The following POTEE variants were observed in gnomAD, a reference collection of about 807,000 sequenced individuals.
POTEE encodes ANKRD26-like family C member 1A.
A neutral mutation model predicts 74.2 loss-of-function variants in POTEE; 21 were observed. That is an observed-to-expected ratio of 0.28 (90% CI 0.20 to 0.41). The LOEUF is 0.41. Among genes scored for constraint, POTEE ranks in the 10% least tolerant of loss-of-function variants. The pLI is 1.00. For missense variants in POTEE, 525 were observed against 1,158.6 expected (o/e 0.45, Z 7.94); for synonymous variants, 211 against 432.8 (o/e 0.49, Z 6.36).
At chr2:131,214,258 T>G (rs569862985) in intron 2 of POTEE, among the ~76,000 whole-genome samples, 1 of 152,406 alleles carries the variant, frequency 6.6e-6, no homozygotes, top group African/African-American at 2.4e-5. Context: ...ACCTTTTTGG[T>G]TTGGATGGGC....
intron 6 of POTEE, among the ~76,000 whole-genome samples, chr2:131,225,338 G>A (rs1573706443): frequency 6.6e-6 from 1 of 152,088 alleles, no homozygotes; most frequent in South Asian, 2.1e-4. Flanking sequence ...GAGCTCAGGA[G>A]TTCGAGTCTA....
At chr2:131,239,771 A>G (rs1701226632) in intron 12 of POTEE, among the ~76,000 whole-genome samples, 1 of 150,158 alleles carries the variant, frequency 6.7e-6, no homozygotes, top group South Asian at 2.1e-4. Context: ...AGATTATTTC[A>G]TCAGCCACAT....
intron 8 of POTEE, among the ~76,000 whole-genome samples, chr2:131,229,226 A>G (rs1166214339): frequency 6.6e-6 from 1 of 152,020 alleles, no homozygotes; most frequent in African/African-American, 2.4e-5. Flanking sequence ...GGCAGATGTT[A>G]GGTGGGCTTG....
At position 131,218,583 on chromosome 2, in the gene POTEE, A is replaced by G; in HGVS notation, c.181A>G (p.Met61Val). 5 of 1,612,242 alleles carry G rather than the reference A, an allele frequency of 3.1e-6. No homozygotes were observed. The highest frequency in any genetic ancestry group is 3.4e-6 in the Non-Finnish European group (4 of 1,179,672). The change falls in exon 4 of 18, where the codon ATG becomes GTG. Residue 61 changes from methionine (M) to valine (V), a missense_variant. Met to Val is a conservative substitution (Grantham distance 21). Transcript: ENST00000683005. ...DSAMKTLRSK[M>V]GKWCHHCFPC... The stretch of plus-strand genomic sequence containing the variant: ...TGCTATGAAGACACTCAGGAGCAAG[A>G]TGGGCAAGTGGTGCCACCACTGCTT...
rs1233694612 is a variant in POTEE, at chr2:131,213,036, C to G, written c.-189+1853C>G. Among the ~76,000 whole-genome samples, 4 of 151,128 alleles carry G rather than the reference C, an allele frequency of 2.6e-5. 1 individual carries two copies. Among genetic ancestry groups the G allele is most frequent in the Non-Finnish European group, 5.9e-5 (4 of 67,676 alleles). On this transcript the variant is annotated intron_variant, in intron 2 of 17. Coordinates refer to ENST00000683005, the MANE Select transcript of POTEE (RefSeq NM_001083538.3). ...AGTACGATGGCCCGATCTTGGCTCA[C>G]TGCAACCCCTGCCTCCTGGGTGAAA...
At chr2:131,211,957 C>T (rs1287043289) in intron 2 of POTEE, among the ~76,000 whole-genome samples, 7 of 151,744 alleles carry the variant, frequency 4.6e-5, no homozygotes, top group Non-Finnish European at 7.4e-5. Context: ...AATTCCTGCA[C>T]CTGTTCTTTT....
rs567628327 is a variant in POTEE at position 131,226,929 on chromosome 2, G to C, written c.917G>C (p.Arg306Thr). ...TTAAATGCACTGGATAGATATGGAA[G>C]GTATAGTTCTTTCTTTTAATCTGTG... The part of the protein sequence containing the change: ...ANLNALDRYG[R>T]TALILAVCCG... The change falls in exon 7 of 18, where the codon AGG (arginine) becomes ACG (threonine). Residue 306 changes from arginine to threonine, a missense_variant and splice_region_variant. Coordinates refer to ENST00000683005, the MANE Select transcript of POTEE (RefSeq NM_001083538.3). 6.2e-7 allele frequency: 1 copy of C among 1,611,400 alleles called. No homozygotes were observed. The highest frequency in any genetic ancestry group is 1.3e-5 in the African/African-American group (1 of 74,908).
chr2:131,262,678 T>C (rs1234182865), intron 17 of POTEE, among the ~76,000 whole-genome samples: 1 of 151,774 alleles, frequency 6.6e-6, no homozygotes, highest in Non-Finnish European at 1.5e-5. Flanking sequence ...TTTTGACCTC[T>C]CCTTTTAAGA....
Position 131,228,387 on chromosome 2 carries a change from T to A in POTEE, c.1055+6T>A. ...GTTTCTAGTCATCATCATGTGTAAG[T>A]GTTTACATTAAAAGGCTAGTTAATG... On this transcript the variant is annotated splice_donor_region_variant and intron_variant, in intron 8 of 17. Transcript: ENST00000683005. 1 of 1,609,166 alleles carries A rather than the reference T, an allele frequency of 6.2e-7. No homozygotes were observed. Among genetic ancestry groups the A allele is most frequent in the Non-Finnish European group, 8.5e-7 (1 of 1,178,922 alleles).
intron 12 of POTEE, 22 bp downstream of exon 12, chr2:131,239,466 A>AT: frequency 1.1e-5 from 1 of 91,382 alleles, no homozygotes; most frequent in South Asian, 6.1e-5. Context: ...GCAACATTGA[A>AT]TAGAAGATAA....
chr2:131,228,085 A>ATT (rs1178089403), intron 7 of POTEE, among the ~76,000 whole-genome samples, 159 bp from the exon 8 acceptor site: 5 of 151,332 alleles, frequency 3.3e-5, no homozygotes, highest in Non-Finnish European at 2.9e-5. Flanking sequence ...CCTTGGTGGC[A>ATT]TTTTACAAAG....
At chr2:131,214,206 C>A (rs1398784249) in intron 2 of POTEE, among the ~76,000 whole-genome samples, 2 of 152,270 alleles carry the variant, frequency 1.3e-5, no homozygotes, top group Admixed American at 6.5e-5. Context: ...AGGTCCCTCT[C>A]AAAAATCTAA....
intron 10 of POTEE, among the ~76,000 whole-genome samples, chr2:131,237,783 A>G (rs1284644066): frequency 1.3e-5 from 2 of 152,288 alleles, no homozygotes; most frequent in African/African-American, 4.8e-5. Flanking sequence ...TTAGGGTTTC[A>G]TGAGGTAAAC....
In POTEE at chr2:131,263,823, T is replaced by A; in HGVS notation, c.2368T>A (p.Phe790Ile). The change falls in exon 18 of 18, where the codon TTC becomes ATC. Residue 790 changes from phenylalanine to isoleucine, a missense_variant. Transcript: ENST00000683005. ...DDMEKIWHHT[F>I]YNELRVAPEE... is the part of the protein sequence containing the mutation. Reference sequence around the variant, plus strand: ...CATGGAGAAGATCTGGCACCACACCTTCTACAACGAGCTGCGTGTGGCTCC... The same window carrying A: ...CATGGAGAAGATCTGGCACCACACCATCTACAACGAGCTGCGTGTGGCTCC... 1.2e-6 allele frequency: 2 copies of A among 1,614,050 alleles called. No homozygotes were observed. The highest frequency in any genetic ancestry group is 1.7e-6 in the Non-Finnish European group (2 of 1,180,028).
At chr2:131,216,708 A>T (rs1451719378) in intron 2 of POTEE, among the ~76,000 whole-genome samples, 1 of 142,276 alleles carries the variant, frequency 7.0e-6, no homozygotes, top group Non-Finnish European at 1.6e-5. Context: ...CATAAAATAA[A>T]ATATTACTTG....
In POTEE at chr2:131,263,827, A is replaced by G. The variant is rs758116060; in HGVS notation, c.2372A>G (p.Tyr791Cys). The G allele has an allele frequency of 3.7e-6, 6 of 1,613,984 alleles. No individual in the cohort carries two copies. Among genetic ancestry groups the G allele is most frequent in the East Asian group, 4.5e-5 (2 of 44,884 alleles). Residue 791 changes from tyrosine (Y) to cysteine (C), a missense_variant, in exon 18 of 18, where the codon TAC (tyrosine) becomes TGC (cysteine). By Grantham distance (194) the Tyr-to-Cys change is radical (BLOSUM62 -2). Transcript: ENST00000683005. ...GAGAAGATCTGGCACCACACCTTCTACAACGAGCTGCGTGTGGCTCCCGAG... is the reference window on the plus strand; with the variant it reads ...GAGAAGATCTGGCACCACACCTTCTGCAACGAGCTGCGTGTGGCTCCCGAG... ...DMEKIWHHTF[Y>C]NELRVAPEEH...
At chr2:131,225,076 T>C (rs971296711) in intron 6 of POTEE, among the ~76,000 whole-genome samples, 11 of 152,288 alleles carry the variant, frequency 7.2e-5, no homozygotes, top group African/African-American at 2.6e-4. Context: ...AGAAAGGGAA[T>C]TGGTCATGTG....
chr2:131,214,545 G>A (rs1700414149), intron 2 of POTEE, among the ~76,000 whole-genome samples: 1 of 152,204 alleles, frequency 6.6e-6, no homozygotes, highest in Non-Finnish European at 1.5e-5. Flanking sequence ...TTGTCTAGAA[G>A]TGTTGTGTAT....
At chr2:131,217,765 ACGCGCACG>A (rs1700478613) in intron 3 of POTEE, among the ~76,000 whole-genome samples, 82 bp downstream of exon 3, 1 of 11,144 alleles carries the variant, frequency 9.0e-5, no homozygotes, top group Non-Finnish European at 7.2e-4. Flanking sequence ...CGCACGCCGC[ACGCGCACG>A]CCGCACGCGC....
Sources: allele counts gnomAD v4.1 joint callset (sites outside exome capture counted in the v4.1 genomes callset), GRCh38; gene constraint gnomAD v4.1.1; transcripts MANE v1.5; gene names NCBI Gene and HGNC (gene_info 2026-07-23, HGNC 2026-07-21).